ENOPH1: variants seen among roughly 807,000 people sequenced by gnomAD.
The protein encoded by ENOPH1 is enolase-phosphatase 1.
In ENOPH1, 14 loss-of-function variants were observed where a neutral mutation model predicts 31.1. That is an observed-to-expected ratio of 0.45 (90% CI 0.30 to 0.70). The LOEUF is 0.70. Among genes scored for constraint, ENOPH1 ranks in the 30% least tolerant of loss-of-function variants. ENOPH1 has a pLI of 0.09. For synonymous variants in ENOPH1, 127 were observed against 123.2 expected, an observed-to-expected ratio of 1.03 and a Z score of -0.21; for missense variants, 243 against 321.5, an observed-to-expected ratio of 0.76 and a Z score of 1.87.
At chr4:82,451,546 T>A (rs1030733527) in intron 3 of ENOPH1, among the ~76,000 whole-genome samples, 3 of 152,218 alleles carry the variant, frequency 2.0e-5, no homozygotes, top group Non-Finnish European at 4.4e-5. Flanking sequence ...TCATATTTGA[T>A]TCTTAGCACA....
chr4:82,453,569 G>C (rs1722408650), intron 3 of ENOPH1, among the ~76,000 whole-genome samples: 1 of 152,206 alleles, frequency 6.6e-6, no homozygotes, highest in Non-Finnish European at 1.5e-5. Context: ...ATACTTACAT[G>C]TGTACTGGTT....
In ENOPH1 at chr4:82,454,689, T is replaced by G. The variant is rs756057755; in HGVS notation, c.390-33T>G. 6 of 1,603,210 alleles carry G rather than the reference T, an allele frequency of 3.7e-6. No individual in the cohort carries two copies. The South Asian group carries it at 5.6e-5, about 15-fold the overall frequency. On this transcript the variant is annotated intron_variant, in intron 3 of 5. Transcript: ENST00000273920. Reference sequence around the variant, plus strand: ...GTTTTTATCTGGCTAGATGAGGTGTTCCTGTATTTTAACTTAGTGGTCTTC... The same window carrying G: ...GTTTTTATCTGGCTAGATGAGGTGTGCCTGTATTTTAACTTAGTGGTCTTC...
intron 4 of ENOPH1, among the ~76,000 whole-genome samples, chr4:82,456,083 A>G (rs757397528): frequency 2.0e-5 from 3 of 151,938 alleles, no homozygotes; most frequent in Admixed American, 6.6e-5. Context: ...TCTGACAATC[A>G]TGACAGGACA....
Position 82,460,214 on chromosome 4 carries a change from CAT to C in ENOPH1, c.*97_*98del, listed in dbSNP as rs1722610822. ...TGGTAAAAGTAACTTACTTAAAAAACATATGTACACATATGTATGCAAGTATG... is the reference window on the plus strand; with the variant it reads ...TGGTAAAAGTAACTTACTTAAAAAACATGTACACATATGTATGCAAGTATG... On this transcript the variant is annotated 3_prime_UTR_variant, in exon 6 of 6. Coordinates refer to ENST00000273920, the MANE Select transcript of ENOPH1 (RefSeq NM_021204.5). 1.7e-6 allele frequency: 2 copies of C among 1,209,430 alleles called. No homozygotes were observed. Among genetic ancestry groups the C allele is most frequent in the Non-Finnish European group, 2.4e-6 (2 of 838,854 alleles). 74.9% of individuals were successfully genotyped at this position (1,209,430 alleles called of 1,614,324 possible).
intron 1 of ENOPH1, among the ~76,000 whole-genome samples, chr4:82,445,746 A>G (rs1722158950): frequency 6.6e-6 from 1 of 152,184 alleles, no homozygotes; most frequent in Non-Finnish European, 1.5e-5. Flanking sequence ...CCCAGCAGCA[A>G]ATAATATTTA....
At chr4:82,431,357 C>T (rs964260352) in intron 1 of ENOPH1, among the ~76,000 whole-genome samples, 7 of 152,250 alleles carry the variant, frequency 4.6e-5, no homozygotes, top group African/African-American at 1.7e-4. Context: ...ACTGAAGTGT[C>T]AAGATGACTT....
At chr4:82,454,945 C>CTTT in intron 4 of ENOPH1, 91 bp downstream of exon 4, 2 of 982,608 alleles carry the variant, frequency 2.0e-6, no homozygotes, top group Non-Finnish European at 2.8e-6. Context: ...TAATAGAATG[C>CTTT]TTTTTTTTTT....
In ENOPH1 at chr4:82,435,999, T is replaced by A. The variant is rs142600911; in HGVS notation, c.84+5086T>A. Among the ~76,000 whole-genome samples, 257 of 152,248 alleles carry A rather than the reference T, an allele frequency of 1.7e-3. 2 individuals are homozygous for A. The highest frequency in any genetic ancestry group is 5.9e-3 in the African/African-American group (243 of 41,524). On this transcript the variant is annotated intron_variant, in intron 1 of 5. Transcript: ENST00000273920. ...AACACTGATTATAATGCAGGAAGTG[T>A]CAGACTGGAGGAAATAGAAAGTGCT...
At chr4:82,438,834 T>C (rs1721971847) in intron 1 of ENOPH1, among the ~76,000 whole-genome samples, 1 of 151,798 alleles carries the variant, frequency 6.6e-6, no homozygotes, top group Admixed American at 6.5e-5. Context: ...AAATTTTCTA[T>C]CCTTGCAGCT....
chr4:82,458,441 C>T (rs1353745814), intron 5 of ENOPH1, among the ~76,000 whole-genome samples: 1 of 151,806 alleles, frequency 6.6e-6, no homozygotes, highest in Non-Finnish European at 1.5e-5. Context: ...GCCTGGGAGG[C>T]GGAGGTTGGG....
chr4:82,454,690 C>T (rs779470380), intron 3 of ENOPH1, 32 bp from the exon 4 acceptor site: 50 of 1,602,334 alleles, frequency 3.1e-5, no homozygotes, highest in Non-Finnish European at 4.3e-5. Context: ...ATGAGGTGTT[C>T]CTGTATTTTA....
At chr4:82,435,447 C>G (rs1272699429) in intron 1 of ENOPH1, among the ~76,000 whole-genome samples, 1 of 152,100 alleles carries the variant, frequency 6.6e-6, no homozygotes, top group Non-Finnish European at 1.5e-5. Flanking sequence ...ACTGGGTTGT[C>G]CAGGCTGGTA....
intron 1 of ENOPH1, among the ~76,000 whole-genome samples, chr4:82,433,280 GC>G (rs1419929768): frequency 6.6e-6 from 1 of 152,026 alleles, no homozygotes; most frequent in Non-Finnish European, 1.5e-5. Flanking sequence ...TGTGTCTTCT[GC>G]TAGATGACAT....
In ENOPH1 at chr4:82,460,228, T is replaced by C. The variant is rs1722611512; in HGVS notation, c.*108T>C. Reference sequence around the variant, plus strand: ...TACTTAAAAAACATATGTACACATATGTATGCAAGTATGTATATATGTGTA... The same window carrying C: ...TACTTAAAAAACATATGTACACATACGTATGCAAGTATGTATATATGTGTA... On this transcript the variant is annotated 3_prime_UTR_variant, in exon 6 of 6. Transcript: ENST00000273920. 4 of 1,141,692 alleles carry C rather than the reference T, an allele frequency of 3.5e-6. 1 individual carries two copies. In the South Asian group the frequency reaches 4.3e-5, roughly 12 times the overall value. 70.7% of individuals were successfully genotyped at this position (1,141,692 alleles called of 1,614,324 possible). A position where few individuals can be genotyped will look rare whatever the true frequency, so the allele number is the denominator to read the frequency against.
chr4:82,460,427 T>C lies in ENOPH1; in HGVS notation c.*307T>C, dbSNP rs1438521806. 5.0e-6 allele frequency: 1 copy of C among 200,074 alleles called. No homozygotes were observed. The highest frequency in any genetic ancestry group is 1.0e-5 in the Non-Finnish European group (1 of 100,068). The allele number at this position is 200,074 out of a possible 1,614,324, so 12.4% of individuals were successfully genotyped here. A position where few individuals can be genotyped will look rare whatever the true frequency, so the allele number is the denominator to read the frequency against. On this transcript the variant is annotated 3_prime_UTR_variant, in exon 6 of 6. Coordinates refer to ENST00000273920, the MANE Select transcript of ENOPH1 (RefSeq NM_021204.5). The stretch of plus-strand genomic sequence containing the variant: ...TGCTAAATACCTATCTAATGTGCTA[T>C]GTTTATCAAATCGTGTACTAAAATG...
Position 82,460,165 on chromosome 4 carries a change from C to G in ENOPH1, c.*45C>G. 6.2e-7 allele frequency: 1 copy of G among 1,605,646 alleles called. No individual in the cohort carries two copies. The highest frequency in any genetic ancestry group is 2.2e-5 in the East Asian group (1 of 44,828). Reference sequence around the variant, plus strand: ...ACCGCCCTGTTCCCCAGAGTTGTCCCTGTAGTGTCTAGGTTTATTCTAATG... The same window carrying G: ...ACCGCCCTGTTCCCCAGAGTTGTCCGTGTAGTGTCTAGGTTTATTCTAATG... On this transcript the variant is annotated 3_prime_UTR_variant, in exon 6 of 6. Coordinates refer to ENST00000273920, the MANE Select transcript of ENOPH1 (RefSeq NM_021204.5).
At chr4:82,450,793 T>C (rs1722327258) in intron 2 of ENOPH1, among the ~76,000 whole-genome samples, 1 of 152,234 alleles carries the variant, frequency 6.6e-6, no homozygotes, top group Admixed American at 6.5e-5. Flanking sequence ...ATGTGCTCTC[T>C]CTTCTCATAT....
chr4:82,458,768 G>A (rs1184002522), intron 5 of ENOPH1, among the ~76,000 whole-genome samples: 1 of 152,204 alleles, frequency 6.6e-6, no homozygotes, highest in Non-Finnish European at 1.5e-5. Context: ...GGAAGTAGGG[G>A]TGAGTGGAAG....
chr4:82,446,502 T>G (rs1196566934), intron 1 of ENOPH1, among the ~76,000 whole-genome samples: 1 of 152,026 alleles, frequency 6.6e-6, no homozygotes, highest in Non-Finnish European at 1.5e-5. Flanking sequence ...GACTTTGCCT[T>G]GTGTTAGTCC....
Sources: allele counts gnomAD v4.1 joint callset (sites outside exome capture counted in the v4.1 genomes callset), GRCh38; gene constraint gnomAD v4.1.1; transcripts MANE v1.5; gene names NCBI Gene and HGNC (gene_info 2026-07-23, HGNC 2026-07-21).